ERI3: variants seen among roughly 807,000 people sequenced by gnomAD.
The protein encoded by ERI3 is ERI1 exoribonuclease 3.
In ERI3, 18 loss-of-function variants were observed where a neutral mutation model predicts 44.4. The ratio of observed to expected loss-of-function variants is 0.41; its 90% CI spans 0.28 to 0.60. ERI3 has a LOEUF of 0.60. ERI3 is among the 20% of genes least tolerant of loss of function. The pLI is 0.36. For synonymous variants in ERI3, 183 were observed against 164.8 expected (o/e 1.11, Z -0.84); for missense variants, 294 against 435.5 (o/e 0.68, Z 2.89).
At chr1:44,306,557 T>G (rs1557836770) in intron 6 of ERI3, among the ~76,000 whole-genome samples, 1 of 152,224 alleles carries the variant, frequency 6.6e-6, no homozygotes, top group Non-Finnish European at 1.5e-5. Flanking sequence ...CAGGGCCCAC[T>G]GTGCTACAGA....
At chr1:44,248,486 C>T (rs1303844559) in intron 7 of ERI3, among the ~76,000 whole-genome samples, 3 of 152,180 alleles carry the variant, frequency 2.0e-5, no homozygotes, top group Admixed American at 2.0e-4. Flanking sequence ...ACCAGTGCAT[C>T]CAAACTGCAC....
At chr1:44,300,100 G>GC (rs1645692335) in intron 6 of ERI3, among the ~76,000 whole-genome samples, 2 of 152,108 alleles carry the variant, frequency 1.3e-5, no homozygotes, top group Non-Finnish European at 2.9e-5. Flanking sequence ...CAAATCCAGG[G>GC]CCAGAACCAA....
chr1:44,301,421 C>T (rs138658835), intron 6 of ERI3, among the ~76,000 whole-genome samples: 4 of 152,334 alleles, frequency 2.6e-5, no homozygotes, highest in African/African-American at 7.2e-5. Flanking sequence ...GCCCTGACTA[C>T]AGCCTCAGTT....
chr1:44,238,930 G>A (rs1433146558), intron 8 of ERI3, among the ~76,000 whole-genome samples: 1 of 152,050 alleles, frequency 6.6e-6, no homozygotes, highest in Non-Finnish European at 1.5e-5. Flanking sequence ...ATTACAGCTT[G>A]TTCACAATTA....
chr1:44,328,963 A>G (rs1225308145), intron 3 of ERI3, among the ~76,000 whole-genome samples: 2 of 152,226 alleles, frequency 1.3e-5, no homozygotes, highest in African/African-American at 4.8e-5. Context: ...AGAACTTCAC[A>G]GAGTAGACTG....
chr1:44,235,823 GGGTGGCAGT>G lies in ERI3; in HGVS notation c.931+12107_931+12115del, dbSNP rs1351303639. ...CTGTCCTGCAAACCCAGGCAGTCAA[GGGTGGCAGT>G]GGTGGTGCTGGGGCGCCCCAGTCCT... On this transcript the variant is annotated intron_variant, in intron 8 of 8. Transcript: ENST00000372257. This position sits in a 1 kb window ranked among gnomAD's most constrained non-coding sequence, Gnocchi z 4.6. Among the ~76,000 whole-genome samples the G allele has an allele frequency of 1.3e-5, 2 of 152,174 alleles. No homozygotes were observed. Among genetic ancestry groups the G allele is most frequent in the South Asian group, 2.1e-4 (1 of 4,828 alleles).
chr1:44,301,703 T>C (rs572023898), intron 6 of ERI3, among the ~76,000 whole-genome samples: 1 of 152,282 alleles, frequency 6.6e-6, no homozygotes, highest in East Asian at 1.9e-4. Flanking sequence ...GCTATTCTAC[T>C]TCCCTCCACT....
chr1:44,324,764 G>C (rs1646274467), intron 3 of ERI3, among the ~76,000 whole-genome samples: 1 of 152,150 alleles, frequency 6.6e-6, no homozygotes, highest in Non-Finnish European at 1.5e-5. Context: ...TTACAGGCGT[G>C]AGCCACCGCG....
At chr1:44,338,649 G>A (rs548206067) in intron 3 of ERI3, among the ~76,000 whole-genome samples, 95 of 152,324 alleles carry the variant, frequency 6.2e-4, no homozygotes, top group African/African-American at 2.2e-3. Context: ...CAGTGCAGGA[G>A]GGGAACTACC....
In ERI3 at chr1:44,284,838, T is replaced by C; in HGVS notation, c.828A>G (p.Lys276=). The change falls in exon 7 of 9, where the codon AAA becomes AAG. Residue 276 remains lysine, a synonymous_variant. Coordinates refer to ENST00000372257, the MANE Select transcript of ERI3 (RefSeq NM_024066.3). ...AGTTGGGGCTCAGACACAGTACCTTTTTCAGATTAATCCACTGCTTGAAGT... is the reference window on the plus strand; with the variant it reads ...AGTTGGGGCTCAGACACAGTACCTTCTTCAGATTAATCCACTGCTTGAAGT... ...ADYFKQWINL[K]KAYSFAMGCW... The C allele has an allele frequency of 6.2e-7, 1 of 1,613,952 alleles. No individual in the cohort carries two copies. Among genetic ancestry groups the C allele is most frequent in the Non-Finnish European group, 8.5e-7 (1 of 1,179,854 alleles).
At chr1:44,231,385 T>C (rs535728239) in intron 8 of ERI3, among the ~76,000 whole-genome samples, 2 of 152,276 alleles carry the variant, frequency 1.3e-5, no homozygotes, top group African/African-American at 4.8e-5. Context: ...CCCACTTCTT[T>C]TTCTTTGAGT....
At chr1:44,244,962 T>C (rs990469175) in intron 8 of ERI3, among the ~76,000 whole-genome samples, 4 of 152,058 alleles carry the variant, frequency 2.6e-5, no homozygotes, top group Non-Finnish European at 5.9e-5. Context: ...AGCCACCCAA[T>C]GCTGCCTTAC....
intron 7 of ERI3, among the ~76,000 whole-genome samples, chr1:44,282,855 A>G (rs1174485408): frequency 2.6e-5 from 4 of 152,198 alleles, no homozygotes; most frequent in Non-Finnish European, 2.9e-5. Context: ...TCTTCAGGTC[A>G]GCACAGTCTG....
intron 7 of ERI3, among the ~76,000 whole-genome samples, chr1:44,249,379 G>C (rs974797985): frequency 1.3e-5 from 2 of 152,146 alleles, no homozygotes; most frequent in African/African-American, 4.8e-5. Flanking sequence ...CTAACACACA[G>C]GGGAGAGGGC....
At chr1:44,330,008 C>T (rs1333688102) in intron 3 of ERI3, among the ~76,000 whole-genome samples, 2 of 152,228 alleles carry the variant, frequency 1.3e-5, no homozygotes, top group African/African-American at 2.4e-5. Context: ...CAACTAACAT[C>T]CTAGTCCAAC....
intron 7 of ERI3, among the ~76,000 whole-genome samples, chr1:44,248,702 A>AGAGTGTGT (rs1553183708): frequency 4.8e-4 from 72 of 148,476 alleles, no homozygotes; most frequent in East Asian, 8.0e-4. Flanking sequence ...TGTGAGAGAG[A>AGAGTGTGT]GTGTGTGTGT....
At chr1:44,294,219 C>T (rs969477064) in intron 6 of ERI3, among the ~76,000 whole-genome samples, 1 of 152,212 alleles carries the variant, frequency 6.6e-6, no homozygotes, top group Admixed American at 6.5e-5. Context: ...CCAACAGAAA[C>T]CAGAACACAG....
chr1:44,261,189 G>C (rs1644885941), intron 7 of ERI3, among the ~76,000 whole-genome samples: 1 of 152,258 alleles, frequency 6.6e-6, no homozygotes, highest in Non-Finnish European at 1.5e-5. Context: ...ATTTGTGTCT[G>C]CTTTACCCTT....
chr1:44,304,004 G>T (rs1645780607), intron 6 of ERI3, among the ~76,000 whole-genome samples: 1 of 152,192 alleles, frequency 6.6e-6, no homozygotes. Context: ...ATTAATTGGT[G>T]TGGATAGAGA....
Sources: allele counts gnomAD v4.1 joint callset (sites outside exome capture counted in the v4.1 genomes callset), GRCh38; gene constraint gnomAD v4.1.1; non-coding constraint Gnocchi (gnomAD v3.1); transcripts MANE v1.5; gene names NCBI Gene and HGNC (gene_info 2026-07-23, HGNC 2026-07-21).